SLC49A4: variants seen among roughly 807,000 people sequenced by gnomAD.
The protein encoded by SLC49A4 is solute carrier family 49 member 4.
A neutral mutation model predicts 50.6 loss-of-function variants in SLC49A4; 36 were observed. The ratio of observed to expected loss-of-function variants is 0.71; its 90% CI spans 0.55 to 0.94. The LOEUF (loss-of-function observed/expected upper bound fraction) is 0.94. Among genes scored for constraint, SLC49A4 ranks in the 40% least tolerant of loss-of-function variants. The pLI, the probability that SLC49A4 is intolerant of heterozygous loss-of-function variation, is 0.00. For synonymous variants in SLC49A4, 248 were observed against 241.2 expected, an observed-to-expected ratio of 1.03 and a Z score of -0.26; for missense variants, 503 against 605.7, an observed-to-expected ratio of 0.83 and a Z score of 1.78.
intron 2 of SLC49A4, among the ~76,000 whole-genome samples, chr3:122,818,855 A>G (rs1936413318): frequency 6.6e-6 from 1 of 151,484 alleles, no homozygotes; most frequent in South Asian, 2.1e-4. Context: ...AGGCAGGAGA[A>G]TAGTTTGAAC....
In SLC49A4 at chr3:122,810,570, T is replaced by C. The variant is rs1035553911; in HGVS notation, c.437+3620T>C. 3.9e-5 allele frequency among the ~76,000 whole-genome samples: 6 copies of C among 152,232 alleles called. No homozygotes were observed. In the South Asian group the frequency reaches 1.0e-3, roughly 26 times the overall value. ...TGTATCCAGTGATTCCTGTAACACATGCCATGTATATTTTTAAATTTTATT... is the reference window on the plus strand; with the variant it reads ...TGTATCCAGTGATTCCTGTAACACACGCCATGTATATTTTTAAATTTTATT... On this transcript the variant is annotated intron_variant, in intron 2 of 8. Coordinates refer to ENST00000261038, the MANE Select transcript of SLC49A4 (RefSeq NM_032839.3).
chr3:122,826,604 A>G lies in SLC49A4; in HGVS notation c.438-196A>G, dbSNP rs115318375. ...AAATGAATAAATGGTAACTATTACT[A>G]TGTTTGATCCTCCCTCATAGGGAGT... On this transcript the variant is annotated intron_variant, in intron 2 of 8. Coordinates refer to ENST00000261038, the MANE Select transcript of SLC49A4 (RefSeq NM_032839.3). Among the ~76,000 whole-genome samples, 593 of 152,342 alleles carry G rather than the reference A, an allele frequency of 3.9e-3. 1 individual carries two copies. Among genetic ancestry groups the G allele is most frequent in the Admixed American group, 6.3e-3 (97 of 15,304 alleles).
At chr3:122,835,921 T>C (rs1383423680) in intron 4 of SLC49A4, among the ~76,000 whole-genome samples, 3 of 152,104 alleles carry the variant, frequency 2.0e-5, no homozygotes, top group Non-Finnish European at 4.4e-5. Context: ...GGTTACAAAA[T>C]CAGTGTACAC....
At chr3:122,826,708 C>A (rs576811783) in intron 2 of SLC49A4, 92 bp from the exon 3 acceptor site, 2 of 1,276,856 alleles carry the variant, frequency 1.6e-6, no homozygotes, top group East Asian at 2.3e-5. Context: ...TACTTATTGC[C>A]ATAGTTAAAA....
intron 7 of SLC49A4, among the ~76,000 whole-genome samples, chr3:122,864,946 G>A (rs1450750795): frequency 3.3e-5 from 5 of 152,156 alleles, no homozygotes; most frequent in Admixed American, 3.3e-4. Flanking sequence ...CTGGAAGTTC[G>A]AGGCTGTAGT....
At chr3:122,855,773 C>A (rs1267775100) in intron 5 of SLC49A4, among the ~76,000 whole-genome samples, 1 of 152,170 alleles carries the variant, frequency 6.6e-6, no homozygotes, top group African/African-American at 2.4e-5. Flanking sequence ...GGTAAAAAGG[C>A]ATAATTTGCT....
chr3:122,805,223 T>A (rs1266094530), intron 1 of SLC49A4, among the ~76,000 whole-genome samples: 1 of 152,212 alleles, frequency 6.6e-6, no homozygotes, highest in East Asian at 1.9e-4. Flanking sequence ...AAGCAGTAAA[T>A]GAGCAGTATG....
chr3:122,870,317 G>C (rs1016240185), intron 7 of SLC49A4, among the ~76,000 whole-genome samples: 2 of 151,442 alleles, frequency 1.3e-5, no homozygotes, highest in Admixed American at 1.3e-4. Context: ...ATGGTTCTCT[G>C]TCCTCTGACT....
chr3:122,879,324 G>A lies in SLC49A4; in HGVS notation c.1383G>A (p.Leu461=). Reference sequence around the variant, plus strand: ...GTTTGCTCAGTCTCCTCCTCATTCTGTGCTTCAGGGAATCCTATGACAGAC... The same window carrying A: ...GTTTGCTCAGTCTCCTCCTCATTCTATGCTTCAGGGAATCCTATGACAGAC... The part of the protein sequence containing the change: ...GSCLLSLLLI[L]CFRESYDRLY... Residue 461 remains leucine (L), a synonymous_variant, in exon 9 of 9, where the codon CTG becomes CTA. Transcript: ENST00000261038. 4 of 1,613,954 alleles carry A rather than the reference G, an allele frequency of 2.5e-6. No individual in the cohort carries two copies. Among genetic ancestry groups the A allele is most frequent in the Non-Finnish European group, 2.5e-6 (3 of 1,179,922 alleles).
At chr3:122,810,042 A>C (rs1434836504) in intron 2 of SLC49A4, among the ~76,000 whole-genome samples, 10 of 152,188 alleles carry the variant, frequency 6.6e-5, no homozygotes, top group African/African-American at 2.4e-4. Flanking sequence ...GTTCCAGGGA[A>C]GGCCAGTGTT....
intron 4 of SLC49A4, among the ~76,000 whole-genome samples, chr3:122,837,258 A>C (rs1289795220): frequency 6.6e-6 from 1 of 152,240 alleles, no homozygotes; most frequent in African/African-American, 2.4e-5. Context: ...TGCCCAGTCA[A>C]TTCTAAGCCA....
chr3:122,870,674 A>C (rs1396074954), intron 7 of SLC49A4, among the ~76,000 whole-genome samples: 4 of 151,488 alleles, frequency 2.6e-5, no homozygotes, highest in African/African-American at 7.3e-5. Context: ...TTAGCTTGGC[A>C]TGGTGGCACG....
intron 4 of SLC49A4, among the ~76,000 whole-genome samples, chr3:122,836,484 T>C (rs1486141257): frequency 6.6e-6 from 1 of 152,208 alleles, no homozygotes; most frequent in Non-Finnish European, 1.5e-5. Flanking sequence ...TGCCAGGTTT[T>C]GGTATCAGGA....
Position 122,857,494 on chromosome 3 carries a change from A to G in SLC49A4, c.1010+1120A>G, listed in dbSNP as rs1050771529. On this transcript the variant is annotated intron_variant, in intron 6 of 8. Coordinates refer to ENST00000261038, the MANE Select transcript of SLC49A4 (RefSeq NM_032839.3). ...TGGGAAGATCAAATATAAGATCCACATATCACCTCAATATCTAAATACTTG... is the reference window on the plus strand; with the variant it reads ...TGGGAAGATCAAATATAAGATCCACGTATCACCTCAATATCTAAATACTTG... Among the ~76,000 whole-genome samples, 4 of 152,134 alleles carry G rather than the reference A, an allele frequency of 2.6e-5. No homozygotes were observed. In the East Asian group the frequency reaches 5.8e-4, roughly 22 times the overall value.
In SLC49A4 at chr3:122,859,834, C is replaced by T. The variant is rs189446334; in HGVS notation, c.1011-241C>T. Among the ~76,000 whole-genome samples, 169 of 152,128 alleles carry T rather than the reference C, an allele frequency of 1.1e-3. 1 individual carries two copies. The highest frequency in any genetic ancestry group is 2.1e-3 in the Non-Finnish European group (141 of 68,008). On this transcript the variant is annotated intron_variant, in intron 6 of 8. Transcript: ENST00000261038. ...CTGTCTCTAAAAAAAAGTAAACACT[C>T]AGAATATATCCTATAAATTATAGAT...
rs868697987 is a variant in SLC49A4 at position 122,827,930 on chromosome 3, G to C, written c.703+865G>C. Among the ~76,000 whole-genome samples the C allele has an allele frequency of 4.4e-4, 67 of 152,236 alleles. 1 individual carries two copies. The highest frequency in any genetic ancestry group is 1.5e-3 in the African/African-American group (62 of 41,456). On this transcript the variant is annotated intron_variant, in intron 3 of 8. Coordinates refer to ENST00000261038, the MANE Select transcript of SLC49A4 (RefSeq NM_032839.3). ...AGTTCACCAAGTGTTTGAGTGGTTA[G>C]TGTATTCCATACAGAGGGAACAGTA... is the stretch of plus-strand genomic sequence containing the variant.
At chr3:122,845,420 T>C (rs780399272) in intron 4 of SLC49A4, among the ~76,000 whole-genome samples, 1 of 152,176 alleles carries the variant, frequency 6.6e-6, no homozygotes, top group Non-Finnish European at 1.5e-5. Flanking sequence ...AGTGCTGCAG[T>C]GAATACACTC....
intron 2 of SLC49A4, among the ~76,000 whole-genome samples, chr3:122,809,614 A>G (rs767279486): frequency 7.9e-5 from 12 of 152,128 alleles, no homozygotes; most frequent in Non-Finnish European, 1.6e-4. Flanking sequence ...CATCCATACT[A>G]TTACTTGCCT....
chr3:122,869,940 TA>T lies in SLC49A4; in HGVS notation c.1139-2469del, dbSNP rs749399825. Among the ~76,000 whole-genome samples, 11 of 152,316 alleles carry T rather than the reference TA, an allele frequency of 7.2e-5. 2 individuals are homozygous for T. The highest frequency in any genetic ancestry group is 6.5e-5 in the Admixed American group (1 of 15,296). ...CTCTTTCTTTGTACCATGCTTGATTTAAAAAATCATTAAAGTCAAATCTCTC... is the reference window on the plus strand; with the variant it reads ...CTCTTTCTTTGTACCATGCTTGATTTAAAAATCATTAAAGTCAAATCTCTC... On this transcript the variant is annotated intron_variant, in intron 7 of 8. Coordinates refer to ENST00000261038, the MANE Select transcript of SLC49A4 (RefSeq NM_032839.3).
Sources: gnomAD v4.1 joint callset for allele counts (sites outside exome capture counted in the v4.1 genomes callset) on GRCh38, gnomAD v4.1.1 for gene constraint, MANE v1.5 for transcripts, NCBI Gene and HGNC (gene_info 2026-07-23, HGNC 2026-07-21) for gene names.